Variants in SGCD observed in about 807,000 individuals in gnomAD.
The protein encoded by SGCD is delta-sarcoglycan.
A neutral mutation model predicts 36.6 loss-of-function variants in SGCD; 18 were observed. The ratio of observed to expected loss-of-function variants is 0.49; its 90% CI spans 0.34 to 0.73. The LOEUF (loss-of-function observed/expected upper bound fraction) is 0.73. SGCD is among the 30% of genes least tolerant of loss of function. The probability of loss-of-function intolerance (pLI) is 0.01; values close to 1 mark genes in which losing one functional copy is unlikely to be tolerated. For synonymous variants in SGCD, 133 were observed against 130.6 expected (o/e 1.02, Z -0.12); for missense variants, 387 against 346.7 (o/e 1.12, Z -0.92).
chr5:156,473,702 T>G (rs915450824), intron 3 of SGCD, among the ~76,000 whole-genome samples: 1 of 152,196 alleles, frequency 6.6e-6, no homozygotes, highest in African/African-American at 2.4e-5. Context: ...AAGGACTTTA[T>G]TAAAATGCAG....
intron 1 of SGCD, among the ~76,000 whole-genome samples, chr5:155,892,459 G>A (rs11950579): frequency 2.3e-4 from 22 of 94,280 alleles, no homozygotes; most frequent in South Asian, 4.0e-4. Flanking sequence ...ATCTGAAAAA[G>A]AAAAAAAAAA....
In SGCD at chr5:156,686,815, A is replaced by C. The variant is rs143428868; in HGVS notation, c.575+39279A>C. ...AAATTCTATAGGCAAAGCCAAAGCT[A>C]CAAGAGAATTTGATCTTTAAGGACT... On this transcript the variant is annotated intron_variant, in intron 7 of 8. Coordinates refer to ENST00000337851, the MANE Select transcript of SGCD (RefSeq NM_000337.6). Among the ~76,000 whole-genome samples, 15 of 152,322 alleles carry C rather than the reference A, an allele frequency of 9.8e-5. No homozygotes were observed. The East Asian group carries it at 2.9e-3, about 29-fold the overall frequency.
intron 1 of SGCD, among the ~76,000 whole-genome samples, chr5:156,018,383 T>TA: frequency 6.6e-6 from 1 of 152,336 alleles, no homozygotes; most frequent in South Asian, 2.1e-4. Context: ...CATGTATATA[T>TA]TTTAAAAAGT....
chr5:156,578,154 T>C (rs1262580288), intron 4 of SGCD, among the ~76,000 whole-genome samples: 3 of 152,242 alleles, frequency 2.0e-5, no homozygotes, highest in Middle Eastern at 3.2e-3. Context: ...AGGCTTTTCC[T>C]GCATCTATTG....
At chr5:155,754,790 G>C in the SGCD span, among the ~76,000 whole-genome samples, 2 of 152,142 alleles carry the variant, frequency 1.3e-5, no homozygotes, top group Admixed American at 1.3e-4. Context: ...TTATTTCATA[G>C]GGCTTAATTT....
intron 1 of SGCD, among the ~76,000 whole-genome samples, chr5:156,101,645 C>T (rs937510885): frequency 4.6e-5 from 7 of 152,082 alleles, no homozygotes; most frequent in Non-Finnish European, 7.4e-5. Context: ...ACTTTTATTG[C>T]TTAAATTACA....
intron 7 of SGCD, among the ~76,000 whole-genome samples, chr5:156,656,126 C>T (rs1400850804): frequency 6.6e-6 from 1 of 152,060 alleles, no homozygotes; most frequent in Non-Finnish European, 1.5e-5. Flanking sequence ...CATGAAATAT[C>T]AAGTCAAAAT....
intron 1 of SGCD, among the ~76,000 whole-genome samples, chr5:156,098,384 A>G (rs1024077694): frequency 3.3e-5 from 5 of 152,296 alleles, no homozygotes; most frequent in Admixed American, 1.3e-4. Flanking sequence ...AAATTTCTCA[A>G]AAGTTACTTG....
At chr5:156,671,222 C>A (rs573521294) in intron 7 of SGCD, among the ~76,000 whole-genome samples, 53 of 147,930 alleles carry the variant, frequency 3.6e-4, no homozygotes, top group African/African-American at 1.3e-3. Context: ...CTCTGGCTTT[C>A]CAATTGGAGC....
In SGCD at chr5:156,652,535, T is replaced by C. The variant is rs76737888; in HGVS notation, c.575+4999T>C. On this transcript the variant is annotated intron_variant, in intron 7 of 8. Coordinates refer to ENST00000337851, the MANE Select transcript of SGCD (RefSeq NM_000337.6). The stretch of plus-strand genomic sequence containing the variant: ...ACACACACACATACACAGAATCATA[T>C]TGTTAACCAAGAGAGATAATTTGAC... 1.2e-3 allele frequency among the ~76,000 whole-genome samples: 183 copies of C among 152,168 alleles called. 1 individual carries two copies. The highest frequency in any genetic ancestry group is 4.1e-3 in the African/African-American group (172 of 41,560).
chr5:156,722,876 A>G (rs1561876707), intron 7 of SGCD, among the ~76,000 whole-genome samples: 1 of 152,096 alleles, frequency 6.6e-6, no homozygotes, highest in Non-Finnish European at 1.5e-5. Context: ...ACATCCTATC[A>G]CCTTTTTGTG....
chr5:155,789,617 T>G, the SGCD span, among the ~76,000 whole-genome samples: 1 of 152,136 alleles, frequency 6.6e-6, no homozygotes, highest in Non-Finnish European at 1.5e-5. Flanking sequence ...TGCCTGAAGA[T>G]AGTTTGTTTT....
intron 4 of SGCD, among the ~76,000 whole-genome samples, chr5:156,553,112 A>C (rs1758862999): frequency 6.6e-6 from 1 of 152,100 alleles, no homozygotes; most frequent in Non-Finnish European, 1.5e-5. Context: ...AGAGGTGGAG[A>C]GATTCCAGGC....
chr5:155,757,060 G>A, the SGCD span, among the ~76,000 whole-genome samples: 1 of 152,186 alleles, frequency 6.6e-6, no homozygotes, highest in African/African-American at 2.4e-5. Flanking sequence ...GCTGAAAGAG[G>A]CTATACCTGC....
At chr5:155,829,616 A>C in the SGCD span, among the ~76,000 whole-genome samples, 1 of 152,220 alleles carries the variant, frequency 6.6e-6, no homozygotes, top group Admixed American at 6.5e-5. Context: ...AATGCAAGAC[A>C]ACTGGTTTTT....
chr5:156,237,168 T>A (rs770329159), intron 3 of SGCD, among the ~76,000 whole-genome samples: 15 of 151,688 alleles, frequency 9.9e-5, no homozygotes, highest in Non-Finnish European at 2.1e-4. Flanking sequence ...CAACAAAAAA[T>A]TTAAATTAAC....
intron 4 of SGCD, among the ~76,000 whole-genome samples, chr5:156,513,993 G>C (rs1757050146): frequency 6.6e-6 from 1 of 152,120 alleles, no homozygotes; most frequent in African/African-American, 2.4e-5. Context: ...TAGCACAAAA[G>C]GTTGTAAAGT....
At chr5:156,453,545 C>G (rs986630633) in intron 3 of SGCD, among the ~76,000 whole-genome samples, 6 of 152,086 alleles carry the variant, frequency 3.9e-5, no homozygotes, top group Non-Finnish European at 7.4e-5. Context: ...TGATGCTCAA[C>G]CAGGGGTGGT....
chr5:156,497,110 C>T (rs760347051), intron 3 of SGCD, among the ~76,000 whole-genome samples: 1 of 151,920 alleles, frequency 6.6e-6, no homozygotes. Flanking sequence ...GGTTCCAAAG[C>T]TTATATTCTT....
Sources: allele counts gnomAD v4.1 joint callset (sites outside exome capture counted in the v4.1 genomes callset), GRCh38; gene constraint gnomAD v4.1.1; transcripts MANE v1.5; gene names NCBI Gene and HGNC (gene_info 2026-07-23, HGNC 2026-07-21).